NR2F1-AS1: variants seen among roughly 807,000 people sequenced by gnomAD.
NR2F1-AS1 encodes NR2F1 regulatory antisense RNA 1, also known as NR2F1 antisense RNA 1.
At chr5:93,470,019 A>G (rs186097198) in intron 4 of NR2F1-AS1, among the ~76,000 whole-genome samples, 1 of 152,224 alleles carries the variant, frequency 6.6e-6, no homozygotes, top group Admixed American at 6.5e-5. Flanking sequence ...GACTTAAAAC[A>G]AGATACATCT....
chr5:93,463,379 C>T (rs1429100323), intron 4 of NR2F1-AS1, among the ~76,000 whole-genome samples: 1 of 152,182 alleles, frequency 6.6e-6, no homozygotes, highest in African/African-American at 2.4e-5. Flanking sequence ...TGTGGAAATG[C>T]CCGGATGTCC....
chr5:93,426,488 A>T (rs978094058), intron 4 of NR2F1-AS1, among the ~76,000 whole-genome samples: 3 of 152,214 alleles, frequency 2.0e-5, no homozygotes, highest in African/African-American at 7.2e-5. Flanking sequence ...TACAAACAAC[A>T]TAGGCTCTGG....
chr5:93,472,897 T>C (rs1750399100), intron 4 of NR2F1-AS1, among the ~76,000 whole-genome samples: 1 of 151,970 alleles, frequency 6.6e-6, no homozygotes, highest in Non-Finnish European at 1.5e-5. Flanking sequence ...CCTAATCATT[T>C]AAATAACCTG....
intron 4 of NR2F1-AS1, among the ~76,000 whole-genome samples, chr5:93,532,201 T>G (rs1416201631): frequency 6.6e-6 from 1 of 152,178 alleles, no homozygotes; most frequent in Non-Finnish European, 1.5e-5. Flanking sequence ...CTTCGTTATT[T>G]TAACATACTT....
rs1330119108 is a variant in NR2F1-AS1, at chr5:93,412,385, GCCC to G, written n.639-16846_639-16844del. On this transcript the variant is annotated intron_variant and non_coding_transcript_variant, in intron 4 of 5. Transcript: ENST00000660523. ...CATTCCAGGCTCCCTCTGAGCTTGG[GCCC>G]CTGATGTCTCCACTTAAAAGGCTCA... Among the ~76,000 whole-genome samples the G allele has an allele frequency of 5.3e-5, 8 of 152,096 alleles. No individual in the cohort carries two copies. The East Asian group carries it at 1.6e-3, about 30-fold the overall frequency.
chr5:93,467,904 A>G (rs1036947627), intron 4 of NR2F1-AS1, among the ~76,000 whole-genome samples: 1 of 152,216 alleles, frequency 6.6e-6, no homozygotes, highest in South Asian at 2.1e-4. Context: ...GAGAACATGC[A>G]GTGTTTGGTT....
chr5:93,457,842 C>T (rs1370250695), intron 4 of NR2F1-AS1, among the ~76,000 whole-genome samples: 1 of 152,110 alleles, frequency 6.6e-6, no homozygotes, highest in Non-Finnish European at 1.5e-5. Context: ...GTTCTGACAT[C>T]ACCATTCTAT....
At chr5:93,539,475 A>C (rs1751905650) in intron 4 of NR2F1-AS1, among the ~76,000 whole-genome samples, 1 of 152,188 alleles carries the variant, frequency 6.6e-6, no homozygotes, top group Admixed American at 6.5e-5. Context: ...AACCTGGAGG[A>C]CATCAAGTTA....
At chr5:93,425,939 A>G (rs975379681) in intron 4 of NR2F1-AS1, among the ~76,000 whole-genome samples, 1 of 152,174 alleles carries the variant, frequency 6.6e-6, no homozygotes, top group African/African-American at 2.4e-5. Context: ...TTTAAAACAA[A>G]GATTAAAGTC....
At chr5:93,461,137 G>A (rs1333918372) in intron 4 of NR2F1-AS1, among the ~76,000 whole-genome samples, 2 of 152,188 alleles carry the variant, frequency 1.3e-5, no homozygotes, top group African/African-American at 4.8e-5. Flanking sequence ...TATACACCAT[G>A]GAATACTATG....
At chr5:93,478,058 A>G (rs147641034) in intron 4 of NR2F1-AS1, among the ~76,000 whole-genome samples, 2 of 152,268 alleles carry the variant, frequency 1.3e-5, no homozygotes, top group Admixed American at 6.5e-5. Context: ...AAAGAAGCCA[A>G]TGCAGCAACT....
At chr5:93,518,420 A>C (rs1751439555) in intron 4 of NR2F1-AS1, among the ~76,000 whole-genome samples, 1 of 152,106 alleles carries the variant, frequency 6.6e-6, no homozygotes, top group South Asian at 2.1e-4. Context: ...TATTTTCACA[A>C]TGATGATTTC....
intron 4 of NR2F1-AS1, among the ~76,000 whole-genome samples, chr5:93,482,867 A>G (rs993976756): frequency 6.6e-6 from 1 of 152,200 alleles, no homozygotes; most frequent in Non-Finnish European, 1.5e-5. Flanking sequence ...CCACTGCAGC[A>G]TGGCAAAGCC....
chr5:93,517,646 T>C (rs754800083), intron 4 of NR2F1-AS1, among the ~76,000 whole-genome samples: 19 of 152,076 alleles, frequency 1.2e-4, no homozygotes, highest in Non-Finnish European at 2.2e-4. Flanking sequence ...TTTAAAAGAA[T>C]GAAGTAGGTA....
intron 4 of NR2F1-AS1, among the ~76,000 whole-genome samples, chr5:93,502,733 C>G (rs1218308313): frequency 1.3e-5 from 2 of 152,086 alleles, no homozygotes; most frequent in African/African-American, 4.8e-5. Flanking sequence ...TTTCTATAAC[C>G]AATCAAACCC....
upstream of NR2F1-AS1, among the ~76,000 whole-genome samples, chr5:93,581,735 CCCCTCTCCCTCT>C (rs1446090486): frequency 1.9e-4 from 5 of 26,778 alleles, no homozygotes; most frequent in South Asian, 1.9e-3. Flanking sequence ...TCTCTCTCTC[CCCCTCTCCCTCT>C]CCCTCTCCCT....
intron 4 of NR2F1-AS1, among the ~76,000 whole-genome samples, chr5:93,465,237 C>T (rs1200688486): frequency 6.6e-6 from 1 of 152,148 alleles, no homozygotes; most frequent in East Asian, 1.9e-4. Context: ...AAGAAAAAAA[C>T]AAACAACCCC....
intron 4 of NR2F1-AS1, among the ~76,000 whole-genome samples, chr5:93,502,268 T>A (rs141834387): frequency 6.6e-6 from 1 of 152,304 alleles, no homozygotes; most frequent in East Asian, 1.9e-4. Flanking sequence ...CTCTGAGGTA[T>A]GTCTGTAAAC....
At chr5:93,500,131 G>C (rs536592742) in intron 4 of NR2F1-AS1, among the ~76,000 whole-genome samples, 2 of 152,282 alleles carry the variant, frequency 1.3e-5, no homozygotes, top group African/African-American at 4.8e-5. Flanking sequence ...TGACAAAGAT[G>C]GCTACACCAA....
Sources: gnomAD v4.1 joint callset for allele counts (sites outside exome capture counted in the v4.1 genomes callset) on GRCh38, gnomAD v4.1.1 for gene constraint, MANE v1.5 for transcripts, NCBI Gene and HGNC (gene_info 2026-07-23, HGNC 2026-07-21) for gene names.